BNC2: variants seen among roughly 807,000 people sequenced by gnomAD.
BNC2 encodes the protein zinc finger protein basonuclin-2.
BNC2 carries 20 observed loss-of-function variants against 76.3 expected under a neutral mutation model. That is an observed-to-expected ratio of 0.26 (90% CI 0.18 to 0.38). The LOEUF (loss-of-function observed/expected upper bound fraction) is 0.38, where lower values mean the gene tolerates loss of function less well. Ranked by LOEUF, BNC2 falls within the 10% of genes least tolerant of loss-of-function variation. The pLI is 1.00. For missense variants in BNC2, 1,382 were observed against 1,399.8 expected, an observed-to-expected ratio of 0.99 and a Z score of 0.20; for synonymous variants, 582 against 514.8, an observed-to-expected ratio of 1.13 and a Z score of -1.77.
rs538567015 is a variant in BNC2 at position 16,533,052 on chromosome 9, C to T, written c.669+19478G>A. On this transcript the variant is annotated intron_variant, in intron 5 of 6. Transcript: ENST00000380672. ...ACTTAAGACTTTATTTGTAAATATA[C>T]ACTCATTTAAACTTTATAATCCCAT... 5.3e-5 allele frequency among the ~76,000 whole-genome samples: 8 copies of T among 152,264 alleles called. No homozygotes were observed. In the East Asian group the frequency reaches 1.5e-3, roughly 29 times the overall value.
chr9:16,447,572 C>T (rs59372891), intron 5 of BNC2, among the ~76,000 whole-genome samples: 20,271 of 151,948 alleles, frequency 0.13, 1,975 homozygotes, highest in African/African-American at 0.27. Context: ...CTGGATGTTT[C>T]CCCTGATGTT....
intron 3 of BNC2, among the ~76,000 whole-genome samples, chr9:16,673,714 G>C (rs1474713911): frequency 6.6e-6 from 1 of 152,176 alleles, no homozygotes; most frequent in Non-Finnish European, 1.5e-5. Flanking sequence ...AAATAAGTTT[G>C]ATTTATATCT....
chr9:16,829,867 G>GC (rs1485220567), intron 1 of BNC2, among the ~76,000 whole-genome samples: 21 of 152,160 alleles, frequency 1.4e-4, no homozygotes, highest in Admixed American at 2.6e-4. Flanking sequence ...GAACAGAAAT[G>GC]CCCCCCTAAA....
chr9:16,800,287 A>G (rs1265740971), intron 1 of BNC2, among the ~76,000 whole-genome samples: 3 of 152,032 alleles, frequency 2.0e-5, no homozygotes, highest in Non-Finnish European at 4.4e-5. Context: ...GTGGATGGAA[A>G]AACAGTCTTA....
At chr9:16,692,042 C>T (rs1776006549) in intron 3 of BNC2, among the ~76,000 whole-genome samples, 1 of 151,348 alleles carries the variant, frequency 6.6e-6, no homozygotes, top group African/African-American at 2.4e-5. Context: ...AACTCCTGAC[C>T]TAAAGTGATC....
intron 5 of BNC2, among the ~76,000 whole-genome samples, chr9:16,487,527 T>G (rs1822191598): frequency 6.6e-6 from 1 of 152,216 alleles, no homozygotes; most frequent in South Asian, 2.1e-4. Context: ...CATTAAATCT[T>G]TATTCTAAAC....
intron 6 of BNC2, among the ~76,000 whole-genome samples, chr9:16,425,816 T>A (rs1820794197): frequency 6.6e-6 from 1 of 152,178 alleles, no homozygotes; most frequent in Admixed American, 6.5e-5. Flanking sequence ...GTGGAATGCA[T>A]AAAAAATGTT....
rs1030978036 is a variant in BNC2, at chr9:16,837,217, T to G, written c.3+33429A>C. On this transcript the variant is annotated intron_variant, in intron 1 of 6. Coordinates refer to ENST00000380672, the MANE Select transcript of BNC2 (RefSeq NM_017637.6). ...TATGAAACATAATCTTAGAAAACCA[T>G]AATTCTGGCCAGGCTTGGTGGCTCA... Among the ~76,000 whole-genome samples the G allele has an allele frequency of 5.3e-5, 8 of 152,268 alleles. No individual in the cohort carries two copies. In the East Asian group the frequency reaches 1.5e-3, roughly 29 times the overall value.
At chr9:16,826,355 G>A (rs1221156304) in intron 1 of BNC2, among the ~76,000 whole-genome samples, 1 of 151,654 alleles carries the variant, frequency 6.6e-6, no homozygotes, top group Non-Finnish European at 1.5e-5. Flanking sequence ...AGCATCTTCA[G>A]CTGTCAGACT....
At chr9:16,451,868 C>T (rs10810565) in intron 5 of BNC2, among the ~76,000 whole-genome samples, 1 of 152,086 alleles carries the variant, frequency 6.6e-6, no homozygotes, top group Admixed American at 6.5e-5. Context: ...TCAATGCTCA[C>T]AGAGTTTATA....
At chr9:16,756,782 G>A (rs565831498) in intron 1 of BNC2, among the ~76,000 whole-genome samples, 9 of 152,234 alleles carry the variant, frequency 5.9e-5, no homozygotes, top group African/African-American at 2.2e-4. Flanking sequence ...AAGGTCAGGA[G>A]ATCAAAAATA....
intron 3 of BNC2, among the ~76,000 whole-genome samples, chr9:16,650,134 AT>A (rs531420490): frequency 3.3e-5 from 5 of 152,338 alleles, no homozygotes; most frequent in Middle Eastern, 3.4e-3. Flanking sequence ...TCTGCCCTGA[AT>A]ACGGAATATT....
In BNC2 at chr9:16,870,670, T is replaced by G. The variant is rs1438417792; in HGVS notation, c.-22A>C. 3.7e-6 allele frequency: 6 copies of G among 1,609,630 alleles called. No homozygotes were observed. The highest frequency in any genetic ancestry group is 2.7e-5 in the African/African-American group (2 of 74,182). On this transcript the variant is annotated 5_prime_UTR_variant, in exon 1 of 7. Coordinates refer to ENST00000380672, the MANE Select transcript of BNC2 (RefSeq NM_017637.6). ...CCATCTCGGCATGCTGGTTGTCAAG[T>G]GCAGCCCCCGCCTCTTGGTCTCCTC...
At chr9:16,768,559 A>G (rs1411394744) in intron 1 of BNC2, among the ~76,000 whole-genome samples, 1 of 152,162 alleles carries the variant, frequency 6.6e-6, no homozygotes, top group Non-Finnish European at 1.5e-5. Flanking sequence ...AGAATAAATG[A>G]AAATGCTAGG....
intron 1 of BNC2, among the ~76,000 whole-genome samples, chr9:16,783,973 G>A (rs1469320128): frequency 6.6e-6 from 1 of 152,148 alleles, no homozygotes; most frequent in Non-Finnish European, 1.5e-5. Flanking sequence ...TTCAAGCAAA[G>A]TAATTAGTGA....
chr9:16,604,525 G>A (rs933925083), intron 3 of BNC2, among the ~76,000 whole-genome samples: 4 of 152,136 alleles, frequency 2.6e-5, no homozygotes, highest in South Asian at 2.1e-4. Context: ...GGCTGGGCAC[G>A]GTGGCTCATG....
At chr9:16,619,418 T>C (rs749250509) in intron 3 of BNC2, among the ~76,000 whole-genome samples, 1 of 151,574 alleles carries the variant, frequency 6.6e-6, no homozygotes, top group Non-Finnish European at 1.5e-5. Context: ...ACCATAAAAA[T>C]CCAGTCCACA....
At chr9:16,492,530 C>A (rs1198458382) in intron 5 of BNC2, among the ~76,000 whole-genome samples, 2 of 152,104 alleles carry the variant, frequency 1.3e-5, no homozygotes, top group Admixed American at 6.6e-5. Flanking sequence ...CATATGATTT[C>A]TTTAAAGCAA....
chr9:16,500,181 C>G (rs1489672195), intron 5 of BNC2, among the ~76,000 whole-genome samples: 1 of 151,996 alleles, frequency 6.6e-6, no homozygotes, highest in Non-Finnish European at 1.5e-5. Flanking sequence ...TACCCCTTTT[C>G]AAGACTATTC....
Sources: allele counts gnomAD v4.1 joint callset (sites outside exome capture counted in the v4.1 genomes callset), GRCh38; gene constraint gnomAD v4.1.1; transcripts MANE v1.5; gene names NCBI Gene and HGNC (gene_info 2026-07-23, HGNC 2026-07-21).